TRIM33: variants seen among roughly 807,000 people sequenced by gnomAD.
TRIM33 encodes the protein tripartite motif containing 33.
In TRIM33, 20 loss-of-function variants were observed where a neutral mutation model predicts 125.4. The observed-to-expected ratio is 0.16, with a 90% CI of 0.11 to 0.23. The LOEUF is 0.23. Ranked by LOEUF, TRIM33 falls within the 10% of genes least tolerant of loss-of-function variation. The pLI is 1.00. For missense variants in TRIM33, 920 were observed against 1,411.4 expected (o/e 0.65, Z 5.58); for synonymous variants, 564 against 513.9 (o/e 1.10, Z -1.32).
At chr1:114,483,994 T>A (rs1651518081) in intron 1 of TRIM33, among the ~76,000 whole-genome samples, 1 of 152,192 alleles carries the variant, frequency 6.6e-6, no homozygotes, top group Admixed American at 6.5e-5. Flanking sequence ...GTTTGGAAAC[T>A]ACAATTAGTT....
At position 114,396,321 on chromosome 1, in the gene TRIM33, T is replaced by A. The variant is rs1651543351; in HGVS notation, c.*1327A>T. On this transcript the variant is annotated 3_prime_UTR_variant, in exon 20 of 20. Transcript: ENST00000358465. ...AAGGTGGGTTTACTCCAGTAACCAT[T>A]CAAGTGGGGATTGGCTCATTTTCAG... The A allele has an allele frequency of 4.9e-6, 1 of 205,918 alleles. No individual in the cohort carries two copies. Among genetic ancestry groups the A allele is most frequent in the South Asian group, 1.9e-4 (1 of 5,288 alleles). The allele number at this position is 205,918 out of a possible 1,614,324, so 12.8% of individuals were successfully genotyped here. A position where few individuals can be genotyped will look rare whatever the true frequency, so the allele number is the denominator to read the frequency against.
chr1:114,421,699 C>T, intron 10 of TRIM33, 63 bp from the exon 11 acceptor site: 10 of 1,510,906 alleles, frequency 6.6e-6, no homozygotes, highest in Non-Finnish European at 8.2e-6. Context: ...TAAACTATAC[C>T]TTTATAATTT....
chr1:114,443,712 T>C (rs1472997574), intron 4 of TRIM33, among the ~76,000 whole-genome samples: 25 of 151,990 alleles, frequency 1.6e-4, no homozygotes, highest in Admixed American at 1.6e-3. Context: ...ACTCTAACTA[T>C]ACACAAAACT....
chr1:114,457,488 AAT>A (rs1649696401), intron 4 of TRIM33, among the ~76,000 whole-genome samples: 1 of 152,332 alleles, frequency 6.6e-6, no homozygotes, highest in African/African-American at 2.4e-5. Context: ...AAACAGCCAT[AAT>A]ATCTTAGGTG....
chr1:114,509,388 A>C (rs1394290354), intron 1 of TRIM33, among the ~76,000 whole-genome samples: 1 of 152,192 alleles, frequency 6.6e-6, no homozygotes, highest in Non-Finnish European at 1.5e-5. Context: ...CGTGACATTC[A>C]CGTGTTTCAA....
chr1:114,429,486 C>T (rs766118503), intron 6 of TRIM33, among the ~76,000 whole-genome samples: 3 of 152,020 alleles, frequency 2.0e-5, no homozygotes, highest in Non-Finnish European at 4.4e-5. Flanking sequence ...CCACCGCACC[C>T]GGCCAAGAGT....
In TRIM33 at chr1:114,396,190, C is replaced by G. The variant is rs1008333128; in HGVS notation, c.*1458G>C. 3.0e-5 allele frequency: 6 copies of G among 203,182 alleles called. No individual in the cohort carries two copies. The highest frequency in any genetic ancestry group is 6.0e-5 in the Admixed American group (1 of 16,752). 12.6% of individuals were successfully genotyped at this position (203,182 alleles called of 1,614,324 possible). ...AATCAAACAAAAGAGAAGCCTGTAA[C>G]AGTGTAGAACACACATTTTGAATCT... is the stretch of plus-strand genomic sequence containing the variant. On this transcript the variant is annotated 3_prime_UTR_variant, in exon 20 of 20. Transcript: ENST00000358465.
At chr1:114,450,130 G>A (rs768817192) in intron 4 of TRIM33, among the ~76,000 whole-genome samples, 4 of 152,124 alleles carry the variant, frequency 2.6e-5, no homozygotes, top group Non-Finnish European at 5.9e-5. Flanking sequence ...GGTGGCTCAC[G>A]CCTGTAACCC....
intron 10 of TRIM33, 135 bp from the exon 11 acceptor site, chr1:114,421,771 A>G: frequency 3.8e-6 from 3 of 798,266 alleles, no homozygotes; most frequent in Non-Finnish European, 5.9e-6. Flanking sequence ...ATTCAGGAGA[A>G]GAACAGTTCA....
chr1:114,433,531 C>T (rs1251976204), intron 5 of TRIM33, 86 bp downstream of exon 5: 8 of 777,472 alleles, frequency 1.0e-5, no homozygotes, highest in Non-Finnish European at 1.7e-5. Flanking sequence ...TCTTTATATG[C>T]TTAATATAGC....
At chr1:114,498,917 GA>G (rs201793788) in intron 1 of TRIM33, among the ~76,000 whole-genome samples, 9 of 148,862 alleles carry the variant, frequency 6.0e-5, no homozygotes, top group Admixed American at 2.7e-4. Context: ...GAAACTTTTA[GA>G]AAAAAAAATA....
chr1:114,459,492 G>C (rs767834716), intron 4 of TRIM33, among the ~76,000 whole-genome samples: 2 of 152,096 alleles, frequency 1.3e-5, no homozygotes, highest in African/African-American at 2.4e-5. Flanking sequence ...TTGTTGAGCT[G>C]GGCATGGTGA....
chr1:114,393,503 T>C lies in TRIM33; in HGVS notation c.*4145A>G, dbSNP rs577513565. The stretch of plus-strand genomic sequence containing the variant: ...TTCTAGAAAAGGGCTAAACTTAACT[T>C]TGTACACTTTGTAGTTTGATATGAC... On this transcript the variant is annotated 3_prime_UTR_variant, in exon 20 of 20. Transcript: ENST00000358465. 3 of 200,318 alleles carry C rather than the reference T, an allele frequency of 1.5e-5. No individual in the cohort carries two copies. The highest frequency in any genetic ancestry group is 1.9e-4 in the South Asian group (1 of 5,246). 12.4% of individuals were successfully genotyped at this position (200,318 alleles called of 1,614,324 possible).
intron 1 of TRIM33, among the ~76,000 whole-genome samples, chr1:114,477,513 T>C (rs1220590822): frequency 6.6e-6 from 1 of 152,214 alleles, no homozygotes; most frequent in Non-Finnish European, 1.5e-5. Context: ...CTTTGAGTCT[T>C]AGTTTCCCCT....
intron 4 of TRIM33, among the ~76,000 whole-genome samples, chr1:114,454,267 A>G (rs1258780209): frequency 1.2e-4 from 19 of 152,294 alleles, no homozygotes; most frequent in Non-Finnish European, 1.5e-5. Flanking sequence ...GTACCCAGTC[A>G]TGGTATGGTT....
chr1:114,396,911 T>C lies in TRIM33; in HGVS notation c.*737A>G. On this transcript the variant is annotated 3_prime_UTR_variant, in exon 20 of 20. Coordinates refer to ENST00000358465, the MANE Select transcript of TRIM33 (RefSeq NM_015906.4). ...TGGGAAGTACAATTGTGAGGAAGTG[T>C]TTTCTGGAAACAACTACTATAACTC... 1 of 213,634 alleles carries C rather than the reference T, an allele frequency of 4.7e-6. No homozygotes were observed. Among genetic ancestry groups the C allele is most frequent in the Non-Finnish European group, 9.5e-6 (1 of 105,538 alleles). 13.2% of individuals were successfully genotyped at this position (213,634 alleles called of 1,614,324 possible).
intron 1 of TRIM33, chr1:114,469,205 T>C: frequency 5.9e-6 from 1 of 169,600 alleles, no homozygotes; most frequent in Non-Finnish European, 1.3e-5. Context: ...AACTTATTGT[T>C]GATAATCTGT....
In TRIM33 at chr1:114,393,515, T is replaced by C. The variant is rs1195184751; in HGVS notation, c.*4133A>G. ...GCTAAACTTAACTTTGTACACTTTG[T>C]AGTTTGATATGACAAATATATCCAA... On this transcript the variant is annotated 3_prime_UTR_variant, in exon 20 of 20. Coordinates refer to ENST00000358465, the MANE Select transcript of TRIM33 (RefSeq NM_015906.4). 5.0e-6 allele frequency: 1 copy of C among 200,458 alleles called. No individual in the cohort carries two copies. The highest frequency in any genetic ancestry group is 1.0e-5 in the Non-Finnish European group (1 of 97,032). The allele number at this position is 200,458 out of a possible 1,614,324, so 12.4% of individuals were successfully genotyped here.
At chr1:114,498,482 A>T (rs1171245308) in intron 1 of TRIM33, among the ~76,000 whole-genome samples, 1 of 152,100 alleles carries the variant, frequency 6.6e-6, no homozygotes, top group Non-Finnish European at 1.5e-5. Context: ...ACTCGTCTCT[A>T]CTAAAAATAC....
Sources: allele counts gnomAD v4.1 joint callset (sites outside exome capture counted in the v4.1 genomes callset), GRCh38; gene constraint gnomAD v4.1.1; transcripts MANE v1.5; gene names NCBI Gene and HGNC (gene_info 2026-07-23, HGNC 2026-07-21).